Variants in CCDC136 observed in about 807,000 individuals in gnomAD.
CCDC136 encodes the protein coiled-coil domain containing 136.
In CCDC136, 100 loss-of-function variants were observed where a neutral mutation model predicts 141.2. The ratio of observed to expected loss-of-function variants is 0.71; its 90% confidence interval spans 0.60 to 0.84. The LOEUF is 0.84. Among genes scored for constraint, CCDC136 ranks in the 40% least tolerant of loss-of-function variants. The probability of loss-of-function intolerance (pLI) is 0.00; values close to 1 mark genes in which losing one functional copy is unlikely to be tolerated. For synonymous variants in CCDC136, 474 were observed against 531.9 expected, an observed-to-expected ratio of 0.89 and a Z score of 1.50; for missense variants, 1,206 against 1,379.4, an observed-to-expected ratio of 0.87 and a Z score of 1.99.
chr7:128,811,895 G>A lies in CCDC136; in HGVS notation c.2124G>A (p.Arg708=), dbSNP rs2128918541. 3 of 1,613,752 alleles carry A rather than the reference G, an allele frequency of 1.9e-6. No homozygotes were observed. The South Asian group carries it at 3.3e-5, about 18-fold the overall frequency. The change falls in exon 13 of 18, where the codon AGG becomes AGA. Residue 708 remains arginine, a synonymous_variant. Coordinates refer to ENST00000297788, the MANE Select transcript of CCDC136 (RefSeq NM_022742.5). ...AGCTCTTGCAGCAAGAGCAAGGGAGGCTCCTAGAGGAGCGGAAGAGGCTGC... is the reference window on the plus strand; with the variant it reads ...AGCTCTTGCAGCAAGAGCAAGGGAGACTCCTAGAGGAGCGGAAGAGGCTGC... ...KQELLQQEQG[R]LLEERKRLQA...
chr7:128,796,739 A>ATATAT lies in CCDC136; in HGVS notation c.346+1972_346+1973insATATT. On this transcript the variant is annotated intron_variant, in intron 3 of 17. Coordinates refer to ENST00000297788, the MANE Select transcript of CCDC136 (RefSeq NM_022742.5). ...TGATTCAGAATATATATATATATAT[A>ATATAT]TTCTTTTTTTTTTTTTTTTTGAGAC... Among the ~76,000 whole-genome samples, 16 of 113,372 alleles carry ATATAT rather than the reference A, an allele frequency of 1.4e-4. 1 individual carries two copies. Among genetic ancestry groups the ATATAT allele is most frequent in the African/African-American group, 7.3e-4 (16 of 21,788 alleles). The allele number at this position is 113,372 out of a possible 152,430, so 74.4% of individuals were successfully genotyped here.
chr7:128,805,954 G>A lies in CCDC136; in HGVS notation c.1089+53G>A. 1 of 1,604,506 alleles carries A rather than the reference G, an allele frequency of 6.2e-7. No homozygotes were observed. Among genetic ancestry groups the A allele is most frequent in the Non-Finnish European group, 8.5e-7 (1 of 1,173,488 alleles). ...GGTGGGGGCAGAAGGGCCTCATGGAGGGGCTGCTTCAACCGGGGTGGGCAC... is the reference window on the plus strand; with the variant it reads ...GGTGGGGGCAGAAGGGCCTCATGGAAGGGCTGCTTCAACCGGGGTGGGCAC... On this transcript the variant is annotated intron_variant, in intron 7 of 17. Transcript: ENST00000297788. The surrounding 1 kb of genome is among the most constrained non-coding windows in gnomAD (Gnocchi z 4.6).
At position 128,822,012 on chromosome 7, in the gene CCDC136, C is replaced by T. The variant is rs1807495978; in HGVS notation, c.*219C>T. ...AACCCTCCCCATATGTTCCATGTGT[C>T]CCCATCTCCTCAGCCTCAGTCACCC... On this transcript the variant is annotated 3_prime_UTR_variant, in exon 18 of 18. Transcript: ENST00000297788. 4.0e-5 allele frequency: 50 copies of T among 1,244,080 alleles called. 1 individual carries two copies. In the South Asian group the frequency reaches 5.6e-4, roughly 14 times the overall value. The allele number at this position is 1,244,080 out of a possible 1,614,324, so 77.1% of individuals were successfully genotyped here.
upstream of CCDC136, chr7:128,791,681 A>G (rs966413397): frequency 1.9e-5 from 11 of 575,108 alleles, no homozygotes; most frequent in Admixed American, 4.9e-4. The surrounding 1 kb of genome is among the most constrained non-coding windows in gnomAD (Gnocchi z 7.1). Context: ...TCCTCCCTCC[A>G]TCCTGGCCTC....
chr7:128,810,239 G>A lies in CCDC136; in HGVS notation c.1901G>A (p.Cys634Tyr), dbSNP rs1295636510. 7 of 1,613,124 alleles carry A rather than the reference G, an allele frequency of 4.3e-6. No homozygotes were observed. The highest frequency in any genetic ancestry group is 5.9e-6 in the Non-Finnish European group (7 of 1,179,532). The change falls in exon 12 of 18, where the codon TGT becomes TAT. Residue 634 changes from cysteine to tyrosine, a missense_variant. Physicochemically the swap from Cys to Tyr is radical, Grantham distance 194. Transcript: ENST00000297788. ...AAGAAGCTGATACAGAACCAAGACT[G>A]TGTATTAAAAGAACAATTAGAGATC... is the stretch of plus-strand genomic sequence containing the variant. The part of the protein sequence containing the change: ...EQKKLIQNQD[C>Y]VLKEQLEIHE...
Position 128,806,335 on chromosome 7 carries a change from G to T in CCDC136, c.1188G>T (p.Gln396His), listed in dbSNP as rs772175411. ...TCTTGAAGATGCAGCTGCAACTTCA[G>T]ACTGAGCTCCGGCAGCTCAAAGTCA... is the stretch of plus-strand genomic sequence containing the variant. ...NELLKMQLQL[Q>H]TELRQLKVMK... Residue 396 changes from glutamine (Q) to histidine (H), a missense_variant, in exon 8 of 18, where the codon CAG (glutamine) becomes CAT (histidine). Physicochemically the swap from Gln to His is conservative, Grantham distance 24. Transcript: ENST00000297788. 2 of 1,601,098 alleles carry T rather than the reference G, an allele frequency of 1.2e-6. No individual in the cohort carries two copies. The highest frequency in any genetic ancestry group is 4.5e-5 in the East Asian group (2 of 44,486).
rs1328196232 is a variant in CCDC136, at chr7:128,794,464, G to A, written c.133G>A (p.Val45Ile). ...QKGGSVGSLS[V>I]NKHRGLSLTE... ...AGGTGGCAGTGTTGGCTCTCTGTCA[G>A]TCAACAAGCACCGGGGACTGAGCCT... Residue 45 changes from valine to isoleucine, a missense_variant, in exon 2 of 18, where the codon GTC becomes ATC. Val to Ile is a conservative substitution (Grantham distance 29, BLOSUM62 3). Transcript: ENST00000297788. The surrounding 1 kb of genome is among the most constrained non-coding windows in gnomAD (Gnocchi z 4.3). 1 of 1,552,394 alleles carries A rather than the reference G, an allele frequency of 6.4e-7. No homozygotes were observed. The highest frequency in any genetic ancestry group is 2.0e-5 in the Admixed American group (1 of 51,020).
rs1585104232 is a variant in CCDC136, at chr7:128,810,444, T to C, written c.2028+78T>C. On this transcript the variant is annotated intron_variant, in intron 12 of 17. Coordinates refer to ENST00000297788, the MANE Select transcript of CCDC136 (RefSeq NM_022742.5). Reference sequence around the variant, plus strand: ...AGAGAGAGTGGGCACCGCCGAAGGGTCAGAGTTGGGAAGGCGTGTTTGGCC... The same window carrying C: ...AGAGAGAGTGGGCACCGCCGAAGGGCCAGAGTTGGGAAGGCGTGTTTGGCC... The C allele has an allele frequency of 3.7e-6, 4 of 1,081,736 alleles. No individual in the cohort carries two copies. The South Asian group carries it at 5.9e-5, about 16-fold the overall frequency. The allele number at this position is 1,081,736 out of a possible 1,614,324, so 67.0% of individuals were successfully genotyped here.
intron 16 of CCDC136, among the ~76,000 whole-genome samples, chr7:128,816,768 A>C (rs1806699385): frequency 6.6e-6 from 1 of 152,210 alleles, no homozygotes; most frequent in Non-Finnish European, 1.5e-5. Flanking sequence ...TTCCTGTGTA[A>C]GTCCTCAGCT....
chr7:128,806,503 C>A, intron 8 of CCDC136, 108 bp downstream of exon 8: 1 of 1,162,158 alleles, frequency 8.6e-7, no homozygotes, highest in Non-Finnish European at 1.2e-6. Flanking sequence ...CCAGCAACCA[C>A]ATAGGCAGCA....
intron 17 of CCDC136, chr7:128,818,190 C>T (rs956471271): frequency 1.3e-5 from 4 of 298,612 alleles, no homozygotes; most frequent in African/African-American, 2.2e-5. Context: ...TATCCCCGCT[C>T]ATCCTCTGTG....
rs781461620 is a variant in CCDC136 at position 128,806,769 on chromosome 7, C to G, written c.1330C>G (p.Gln444Glu). 2.5e-6 allele frequency: 4 copies of G among 1,611,684 alleles called. No homozygotes were observed. The African/African-American group carries it at 5.3e-5, about 22-fold the overall frequency. Residue 444 changes from glutamine (Q) to glutamate (E), a missense_variant, in exon 9 of 18, where the codon CAG becomes GAG. Gln to Glu is a conservative substitution (Grantham distance 29, BLOSUM62 2). Transcript: ENST00000297788. ...GAAGGAAAAGCTGCTGGAACGGCAG[C>G]AGCAGCTGCAGGAGGAGCTGCAGTG... ...CEKEKLLERQ[Q>E]QLQEELQCHE...
chr7:128,806,701 G>A lies in CCDC136; in HGVS notation c.1262G>A (p.Arg421Gln), dbSNP rs776122313. 17 of 1,609,990 alleles carry A rather than the reference G, an allele frequency of 1.1e-5. No individual in the cohort carries two copies. Among genetic ancestry groups the A allele is most frequent in the East Asian group, 2.2e-5 (1 of 44,858 alleles). The change falls in exon 9 of 18, where the codon CGG (arginine) becomes CAG (glutamine). Residue 421 changes from arginine to glutamine, a missense_variant. By Grantham distance (43) the Arg-to-Gln change is conservative. Transcript: ENST00000297788. ...ENQSEKELLC[R>Q]LQKLHLQHQN... is the part of the protein sequence containing the mutation. ...CCTCTACCATAGGAGTTACTGTGCC[G>A]GCTGCAGAAGCTGCACCTCCAGCAC...
Position 128,809,573 on chromosome 7 carries a change from G to A in CCDC136, c.1729G>A (p.Glu577Lys), listed in dbSNP as rs988111167. Residue 577 changes from glutamate to lysine, a missense_variant, in exon 11 of 18, where the codon GAG becomes AAG. Glu to Lys is a moderately conservative substitution (Grantham distance 56). Transcript: ENST00000297788. ...GGAGGATCAGAGGAGGATGCAGGAG[G>A]AGCAGGGCCAGCTGCAGGAAGAGCT... ...LLEDQRRMQE[E>K]QGQLQEELHR... The A allele has an allele frequency of 2.8e-5, 44 of 1,567,708 alleles. No homozygotes were observed. Among genetic ancestry groups the A allele is most frequent in the Non-Finnish European group, 3.7e-5 (43 of 1,156,914 alleles).
chr7:128,806,688 G>T lies in CCDC136; in HGVS notation c.1249G>T (p.Glu417Ter). ...CTGCCCAAAGCCCCCTCTACCATAG[G>T]AGTTACTGTGCCGGCTGCAGAAGCT... is the stretch of plus-strand genomic sequence containing the variant. ...STLVENQSEK[E>*]LLCRLQKLHL... The change falls in exon 9 of 18, where the codon GAG becomes TAG. Residue 417 changes from glutamate to a stop codon, truncating the protein, a stop_gained and splice_region_variant. Transcript: ENST00000297788. LOFTEE classifies it high-confidence loss of function. 1 of 1,609,390 alleles carries T rather than the reference G, an allele frequency of 6.2e-7. No homozygotes were observed. The highest frequency in any genetic ancestry group is 1.1e-5 in the South Asian group (1 of 90,242).
At position 128,812,857 on chromosome 7, in the gene CCDC136, C is replaced by T; in HGVS notation, c.2691C>T (p.Ala897=). 2 of 1,613,168 alleles carry T rather than the reference C, an allele frequency of 1.2e-6. No homozygotes were observed. The highest frequency in any genetic ancestry group is 4.5e-5 in the East Asian group (2 of 44,816). Reference sequence around the variant, plus strand: ...AAGACCTGAAGGAAGAGCTGGATGCCTGTGAAAGGGAGTTCAAGGAGTGCA... The same window carrying T: ...AAGACCTGAAGGAAGAGCTGGATGCTTGTGAAAGGGAGTTCAAGGAGTGCA... The part of the protein sequence containing the change: ...KQKDLKEELD[A]CEREFKECME... Residue 897 remains alanine (A), a synonymous_variant, in exon 14 of 18, where the codon GCC becomes GCT. Coordinates refer to ENST00000297788, the MANE Select transcript of CCDC136 (RefSeq NM_022742.5).
At chr7:128,807,298 G>A in intron 9 of CCDC136, 62 bp from the exon 10 acceptor site, 1 of 1,272,004 alleles carries the variant, frequency 7.9e-7, no homozygotes. Context: ...CCCCGCCTGG[G>A]AGGAGAGAGT....
At chr7:128,791,404 T>G (rs1166414631), upstream of CCDC136, 5 of 868,194 alleles carry the variant, frequency 5.8e-6, no homozygotes, top group Non-Finnish European at 6.1e-6. The surrounding 1 kb of genome is among the most constrained non-coding windows in gnomAD (Gnocchi z 7.1). Flanking sequence ...TCGTCCGCCC[T>G]CCCTCCCTCC....
Position 128,796,787 on chromosome 7 carries a change from G to T in CCDC136, c.346+2019G>T, listed in dbSNP as rs1585053621. 2.2e-5 allele frequency among the ~76,000 whole-genome samples: 3 copies of T among 138,184 alleles called. No individual in the cohort carries two copies. The South Asian group carries it at 7.2e-4, about 33-fold the overall frequency. The allele number at this position is 138,184 out of a possible 152,430, so 90.7% of individuals were successfully genotyped here. A position where few individuals can be genotyped will look rare whatever the true frequency, so the allele number is the denominator to read the frequency against. ...GACGGAGTCTCGCTCTGTCGCCCAG[G>T]CTGGAGTGCAGTGGCGGGATCTCGG... On this transcript the variant is annotated intron_variant, in intron 3 of 17. Coordinates refer to ENST00000297788, the MANE Select transcript of CCDC136 (RefSeq NM_022742.5).
Sources: allele counts gnomAD v4.1 joint callset (sites outside exome capture counted in the v4.1 genomes callset), GRCh38; gene constraint gnomAD v4.1.1; non-coding constraint Gnocchi (gnomAD v3.1); transcripts MANE v1.5; gene names NCBI Gene and HGNC (gene_info 2026-07-23, HGNC 2026-07-21).